Variants in ADGRB3 observed in about 807,000 individuals in gnomAD.
ADGRB3 encodes adhesion G protein-coupled receptor B3.
A neutral mutation model predicts 193.4 loss-of-function variants in ADGRB3; 37 were observed. The observed-to-expected ratio is 0.19, with a 90% CI of 0.15 to 0.25. The LOEUF (loss-of-function observed/expected upper bound fraction) is 0.25, where lower values mean the gene tolerates loss of function less well. Ranked by LOEUF, ADGRB3 falls within the 10% of genes least tolerant of loss-of-function variation. The pLI, the probability that ADGRB3 is intolerant of heterozygous loss-of-function variation, is 1.00. For synonymous variants in ADGRB3, 690 were observed against 644.2 expected (o/e 1.07, Z -1.08); for missense variants, 1,637 against 1,852.9 (o/e 0.88, Z 2.14).
intron 3 of ADGRB3, among the ~76,000 whole-genome samples, chr6:68,718,793 T>C (rs1257674172): frequency 6.6e-6 from 1 of 151,782 alleles, no homozygotes; most frequent in Non-Finnish European, 1.5e-5. Flanking sequence ...AGCAAGAGGT[T>C]GGCAAATTAT....
chr6:68,935,336 C>T (rs1767458583), intron 4 of ADGRB3, among the ~76,000 whole-genome samples: 1 of 152,152 alleles, frequency 6.6e-6, no homozygotes, highest in Non-Finnish European at 1.5e-5. Flanking sequence ...AGTTTGTGGA[C>T]CAGCTGCCTT....
chr6:69,105,561 C>G (rs994130463), intron 17 of ADGRB3, among the ~76,000 whole-genome samples: 4 of 152,190 alleles, frequency 2.6e-5, no homozygotes, highest in Admixed American at 6.5e-5. Context: ...TAATTTATCT[C>G]TTTCTCTTAC....
intron 17 of ADGRB3, among the ~76,000 whole-genome samples, chr6:69,225,730 CT>C (rs2127252744): frequency 6.6e-6 from 1 of 152,258 alleles, no homozygotes; most frequent in East Asian, 1.9e-4. Context: ...GATGTGGGAG[CT>C]TAATTTATCT....
chr6:69,284,301 A>AT (rs1767503522), intron 20 of ADGRB3, among the ~76,000 whole-genome samples: 1 of 151,834 alleles, frequency 6.6e-6, no homozygotes, highest in Non-Finnish European at 1.5e-5. Flanking sequence ...TAGTCATCGT[A>AT]TTTTTTCCAC....
intron 3 of ADGRB3, among the ~76,000 whole-genome samples, chr6:68,740,785 C>A (rs1765965448): frequency 6.6e-6 from 1 of 152,220 alleles, no homozygotes; most frequent in East Asian, 1.9e-4. Context: ...AGAAGGATGT[C>A]AGAAATACTT....
At chr6:68,663,629 A>T (rs1215574579) in intron 3 of ADGRB3, among the ~76,000 whole-genome samples, 2 of 151,810 alleles carry the variant, frequency 1.3e-5, no homozygotes, top group African/African-American at 4.8e-5. Context: ...CGCCTGCTTC[A>T]ATTTTTGCCT....
intron 30 of ADGRB3, among the ~76,000 whole-genome samples, chr6:69,374,402 C>T (rs1769770085): frequency 6.6e-6 from 1 of 152,026 alleles, no homozygotes; most frequent in African/African-American, 2.4e-5. Flanking sequence ...ATCAAGCTCC[C>T]TGACACTCCT....
At chr6:69,345,901 G>T (rs1235779892) in intron 26 of ADGRB3, among the ~76,000 whole-genome samples, 1 of 152,154 alleles carries the variant, frequency 6.6e-6, no homozygotes, top group Non-Finnish European at 1.5e-5. Context: ...AGCAACTTCA[G>T]CAAAGTCTCT....
chr6:69,035,838 C>T (rs1770852455), intron 13 of ADGRB3, among the ~76,000 whole-genome samples: 2 of 152,040 alleles, frequency 1.3e-5, no homozygotes. Flanking sequence ...GAAGTGAGGA[C>T]ATAGATATGT....
rs542033267 is a variant in ADGRB3 at position 69,347,516 on chromosome 6, G to A, written c.3460-6717G>A. 3.8e-3 allele frequency among the ~76,000 whole-genome samples: 571 copies of A among 152,228 alleles called. 8 individuals are homozygous for A. Among genetic ancestry groups the A allele is most frequent in the African/African-American group, 0.013 (545 of 41,520 alleles). On this transcript the variant is annotated intron_variant, in intron 26 of 31. Transcript: ENST00000370598. ...GGGCCAGGCACAGTGGCTCATGCCT[G>A]TAATCCTAGCACTTTTTTTGGGAGC...
chr6:68,704,392 CA>C (rs1296562698), intron 3 of ADGRB3, among the ~76,000 whole-genome samples: 3 of 152,180 alleles, frequency 2.0e-5, no homozygotes, highest in Non-Finnish European at 2.9e-5. Flanking sequence ...CTCTGGGAAG[CA>C]GCTATTTTTA....
chr6:68,956,503 C>G, intron 7 of ADGRB3, 142 bp from the exon 8 acceptor site: 1 of 1,133,344 alleles, frequency 8.8e-7, no homozygotes, highest in African/African-American at 1.5e-5. Context: ...TATATTTGAC[C>G]TGTAAGTTAA....
intron 3 of ADGRB3, among the ~76,000 whole-genome samples, chr6:68,871,012 A>C (rs1485813214): frequency 6.6e-6 from 1 of 152,166 alleles, no homozygotes; most frequent in Admixed American, 6.5e-5. Flanking sequence ...GTTTGAGTGA[A>C]AGTCCCTGCA....
At chr6:68,885,596 T>A (rs1464832886) in intron 3 of ADGRB3, among the ~76,000 whole-genome samples, 1 of 152,162 alleles carries the variant, frequency 6.6e-6, no homozygotes, top group Non-Finnish European at 1.5e-5. Flanking sequence ...TGATCTCACT[T>A]GTATGTAGAT....
intron 11 of ADGRB3, among the ~76,000 whole-genome samples, chr6:69,008,545 T>A (rs757642993): frequency 3.1e-4 from 47 of 152,162 alleles, no homozygotes; most frequent in Non-Finnish European, 1.6e-4. Flanking sequence ...TTTTTATAAC[T>A]TTCTTTATAC....
chr6:68,812,713 T>C (rs985048024), intron 3 of ADGRB3, among the ~76,000 whole-genome samples: 3 of 152,098 alleles, frequency 2.0e-5, no homozygotes, highest in Non-Finnish European at 2.9e-5. Flanking sequence ...CTGGGGTACA[T>C]GTGCAGAACG....
At chr6:69,124,537 G>T (rs147666920) in intron 17 of ADGRB3, among the ~76,000 whole-genome samples, 203 of 152,288 alleles carry the variant, frequency 1.3e-3, no homozygotes, top group African/African-American at 4.8e-3. Flanking sequence ...TTAGAAGAGT[G>T]TTGTCGGGTT....
At chr6:68,741,685 C>G (rs1294249060) in intron 3 of ADGRB3, among the ~76,000 whole-genome samples, 1 of 152,166 alleles carries the variant, frequency 6.6e-6, no homozygotes, top group South Asian at 2.1e-4. Flanking sequence ...CTGTGCCTGC[C>G]CTGGCCTTCT....
chr6:68,846,628 T>C (rs1222661523), intron 3 of ADGRB3, among the ~76,000 whole-genome samples: 1 of 152,228 alleles, frequency 6.6e-6, no homozygotes, highest in African/African-American at 2.4e-5. Context: ...GCAGCTTCCA[T>C]GTGCTGTTGA....
Sources: gnomAD v4.1 joint callset for allele counts (sites outside exome capture counted in the v4.1 genomes callset) on GRCh38, gnomAD v4.1.1 for gene constraint, MANE v1.5 for transcripts, NCBI Gene and HGNC (gene_info 2026-07-23, HGNC 2026-07-21) for gene names.